Variants in SLC39A11 observed in about 807,000 individuals in gnomAD.
SLC39A11 encodes solute carrier family 39 member 11.
In SLC39A11, 33 loss-of-function variants were observed where a neutral mutation model predicts 36.1. The ratio of observed to expected loss-of-function variants is 0.91; its 90% CI spans 0.69 to 1.22. SLC39A11 has a LOEUF of 1.22. Ranked by LOEUF, SLC39A11 falls within the 50% of genes most tolerant of loss-of-function variation. The probability of loss-of-function intolerance (pLI) is 0.00; values close to 1 mark genes in which losing one functional copy is unlikely to be tolerated. For missense variants in SLC39A11, 432 were observed against 430.3 expected (o/e 1.00, Z -0.03); for synonymous variants, 166 against 170.3 (o/e 0.97, Z 0.20).
intron 6 of SLC39A11, among the ~76,000 whole-genome samples, chr17:72,830,208 G>A (rs1273901411): frequency 6.6e-6 from 1 of 152,184 alleles, no homozygotes; most frequent in Admixed American, 6.5e-5. Context: ...CTGGGAAGGA[G>A]CATTTCAAGT....
intron 5 of SLC39A11, among the ~76,000 whole-genome samples, chr17:72,879,869 C>T (rs535437805): frequency 1.3e-5 from 2 of 152,324 alleles, no homozygotes; most frequent in Admixed American, 6.5e-5. Context: ...GCCAAGGAAC[C>T]GACTCAGCAC....
chr17:72,868,046 TAGA>T (rs375806695), intron 5 of SLC39A11, among the ~76,000 whole-genome samples: 252 of 152,358 alleles, frequency 1.7e-3, no homozygotes, highest in East Asian at 7.3e-3. Context: ...GAACACCTTA[TAGA>T]AGTTTTCCTA....
intron 3 of SLC39A11, among the ~76,000 whole-genome samples, chr17:73,060,210 C>CAAAAAAAAAAAAAAAAAAAAAA (rs33931672): frequency 7.1e-5 from 5 of 70,346 alleles, no homozygotes; most frequent in African/African-American, 1.1e-4. Flanking sequence ...AACTCCATCT[C>CAAAAAAAAAAAAAAAAAAAAAA]AAAAAAAAAA....
chr17:72,894,685 A>AAC (rs1361857698), intron 5 of SLC39A11, among the ~76,000 whole-genome samples: 2 of 151,596 alleles, frequency 1.3e-5, no homozygotes, highest in Non-Finnish European at 2.9e-5. Context: ...AAAAAAAAAA[A>AAC]AATTCTAGAG....
intron 7 of SLC39A11, among the ~76,000 whole-genome samples, chr17:72,700,547 C>T (rs2072560021): frequency 6.6e-6 from 1 of 152,202 alleles, no homozygotes; most frequent in African/African-American, 2.4e-5. Context: ...CAGCCCTGCC[C>T]CCAGGGTCCC....
At chr17:72,776,468 T>TGAGTTG (rs1249865904) in intron 6 of SLC39A11, among the ~76,000 whole-genome samples, 1 of 152,222 alleles carries the variant, frequency 6.6e-6, no homozygotes, top group Admixed American at 6.5e-5. Flanking sequence ...AGTTTTGCTT[T>TGAGTTG]TACTGAAATC....
chr17:72,674,268 TC>T (rs1199713581), intron 7 of SLC39A11, among the ~76,000 whole-genome samples: 3 of 151,850 alleles, frequency 2.0e-5, no homozygotes, highest in East Asian at 3.9e-4. Context: ...TATATCTCCT[TC>T]CTTTTTACAT....
At chr17:73,082,126 G>GAAAAAAAAAAAAAAAAA (rs1226809670) in intron 3 of SLC39A11, among the ~76,000 whole-genome samples, 3 of 117,888 alleles carry the variant, frequency 2.5e-5, no homozygotes, top group Admixed American at 9.7e-5. Flanking sequence ...TAAAAAAAAA[G>GAAAAAAAAAAAAAAAAA]AAAAAAAAAA....
At position 72,981,020 on chromosome 17, in the gene SLC39A11, C is replaced by T. The variant is rs1016224055; in HGVS notation, c.307-33145G>A. 2.0e-3 allele frequency among the ~76,000 whole-genome samples: 266 copies of T among 129,892 alleles called. 2 individuals carry two copies. The highest frequency in any genetic ancestry group is 9.4e-3 in the African/African-American group (250 of 26,614). 85.2% of individuals were successfully genotyped at this position (129,892 alleles called of 152,430 possible). A position where few individuals can be genotyped will look rare whatever the true frequency, so the allele number is the denominator to read the frequency against. On this transcript the variant is annotated intron_variant, in intron 4 of 9. Coordinates refer to ENST00000255559, the MANE Select transcript of SLC39A11 (RefSeq NM_139177.4). ...CCTGGGTGACAGAGGGAGACTCCAT[C>T]TCAAAAAAAAAAAAAAAATAGAATG...
Position 72,978,205 on chromosome 17 carries a change from T to TA in SLC39A11, c.307-30331_307-30330insT, listed in dbSNP as rs1598692885. ...CCCTTAGGCGTTCCCTGCCTTCCTC[T>TA]TCCTCTTCCTTCCTTCCTTCCTCTT... On this transcript the variant is annotated intron_variant, in intron 4 of 9. Coordinates refer to ENST00000255559, the MANE Select transcript of SLC39A11 (RefSeq NM_139177.4). Among the ~76,000 whole-genome samples, 4 of 151,636 alleles carry TA rather than the reference T, an allele frequency of 2.6e-5. No homozygotes were observed. In the East Asian group the frequency reaches 7.7e-4, roughly 29 times the overall value.
At chr17:72,666,192 T>C (rs2070748623) in intron 7 of SLC39A11, among the ~76,000 whole-genome samples, 1 of 152,228 alleles carries the variant, frequency 6.6e-6, no homozygotes, top group Non-Finnish European at 1.5e-5. Flanking sequence ...ACGAGGGTAT[T>C]GTGGGTTCTC....
intron 4 of SLC39A11, among the ~76,000 whole-genome samples, chr17:73,029,639 T>C (rs562641915): frequency 3.3e-5 from 5 of 152,022 alleles, no homozygotes; most frequent in African/African-American, 9.6e-5. Flanking sequence ...AGGAGTGCAG[T>C]GGCACCATCT....
chr17:73,087,137 G>A (rs2060759775), intron 2 of SLC39A11, among the ~76,000 whole-genome samples: 1 of 152,012 alleles, frequency 6.6e-6, no homozygotes, highest in African/African-American at 2.4e-5. Context: ...CCTCCTCTGT[G>A]GCCCCTGGCA....
chr17:72,955,213 T>C (rs796653386), intron 4 of SLC39A11, among the ~76,000 whole-genome samples: 13 of 151,594 alleles, frequency 8.6e-5, no homozygotes, highest in South Asian at 4.2e-4. Context: ...GAAGCCTTCC[T>C]AGATGTACTC....
At chr17:72,811,556 G>A (rs1035949860) in intron 6 of SLC39A11, among the ~76,000 whole-genome samples, 2 of 152,204 alleles carry the variant, frequency 1.3e-5, no homozygotes, top group Non-Finnish European at 2.9e-5. Flanking sequence ...CTGAGATGCT[G>A]TATCTAAAAT....
At chr17:72,743,446 T>C (rs900392700) in intron 6 of SLC39A11, among the ~76,000 whole-genome samples, 11 of 152,172 alleles carry the variant, frequency 7.2e-5, no homozygotes, top group African/African-American at 2.7e-4. Context: ...CATTCTGTGA[T>C]GGTTTGCAAA....
At chr17:72,844,978 A>G (rs2078985827) in intron 6 of SLC39A11, among the ~76,000 whole-genome samples, 1 of 152,030 alleles carries the variant, frequency 6.6e-6, no homozygotes, top group Non-Finnish European at 1.5e-5. Flanking sequence ...CATCCAATCC[A>G]TCGGCAAATC....
intron 3 of SLC39A11, among the ~76,000 whole-genome samples, chr17:73,068,827 C>A (rs1045670366): frequency 6.6e-6 from 1 of 152,094 alleles, no homozygotes; most frequent in Non-Finnish European, 1.5e-5. Flanking sequence ...TGCCAGCCTC[C>A]CCCTGTGCAC....
Position 72,750,505 on chromosome 17 carries a change from G to T in SLC39A11, c.602-13786C>A, listed in dbSNP as rs2075113988. Among the ~76,000 whole-genome samples, 3 of 83,496 alleles carry T rather than the reference G, an allele frequency of 3.6e-5. No homozygotes were observed. In the South Asian group the frequency reaches 1.5e-3, roughly 41 times the overall value. 54.8% of individuals were successfully genotyped at this position (83,496 alleles called of 152,430 possible). ...GAGGGCCTAAAAAAACTGGAGGAAAGGATTTTTTTTTTTTAATTCCCTTGG... is the reference window on the plus strand; with the variant it reads ...GAGGGCCTAAAAAAACTGGAGGAAATGATTTTTTTTTTTTAATTCCCTTGG... On this transcript the variant is annotated intron_variant, in intron 6 of 9. Transcript: ENST00000255559.
Sources: allele counts gnomAD v4.1 joint callset (sites outside exome capture counted in the v4.1 genomes callset), GRCh38; gene constraint gnomAD v4.1.1; transcripts MANE v1.5; gene names NCBI Gene and HGNC (gene_info 2026-07-23, HGNC 2026-07-21).